Variants in ITGA9 observed in about 807,000 individuals in gnomAD.
ITGA9 encodes integrin alpha-9.
In ITGA9, 56 loss-of-function variants were observed where a neutral mutation model predicts 127.8. The ratio of observed to expected loss-of-function variants is 0.44; its 90% CI spans 0.35 to 0.55. The LOEUF (loss-of-function observed/expected upper bound fraction) is 0.55. Ranked by LOEUF, ITGA9 falls within the 20% of genes least tolerant of loss-of-function variation. The pLI is 0.00. For missense variants in ITGA9, 1,196 were observed against 1,347.1 expected (o/e 0.89, Z 1.76); for synonymous variants, 508 against 514.5 (o/e 0.99, Z 0.17).
Position 37,506,013 on chromosome 3 carries a change from C to A in ITGA9, c.756C>A (p.Thr252=), listed in dbSNP as rs200844875. The change falls in exon 7 of 28, where the codon ACC becomes ACA. Residue 252 remains threonine, a synonymous_variant. Transcript: ENST00000264741. ...CATCCTGTTCAGGCTACGCAGTGAC[C>A]GCTGGCCACTTCTCTCACCCGTCCA... is the stretch of plus-strand genomic sequence containing the variant. ...RRYTYLGYAV[T]AGHFSHPSTI... is the part of the protein sequence containing the mutation. 6.2e-7 allele frequency: 1 copy of A among 1,606,964 alleles called. No homozygotes were observed. The highest frequency in any genetic ancestry group is 8.5e-7 in the Non-Finnish European group (1 of 1,177,036).
chr3:37,458,963 A>G (rs1698288395), intron 1 of ITGA9, among the ~76,000 whole-genome samples: 1 of 152,206 alleles, frequency 6.6e-6, no homozygotes, highest in African/African-American at 2.4e-5. Context: ...GATCAACCAA[A>G]GCAGAATAAA....
intron 26 of ITGA9, among the ~76,000 whole-genome samples, chr3:37,791,688 T>C (rs778622739): frequency 1.3e-5 from 2 of 152,200 alleles, no homozygotes; most frequent in Non-Finnish European, 1.5e-5. Context: ...GGCTGGTGCA[T>C]AGCTGCTGCT....
intron 18 of ITGA9, among the ~76,000 whole-genome samples, chr3:37,686,694 T>C (rs989171726): frequency 6.6e-6 from 1 of 151,964 alleles, no homozygotes; most frequent in African/African-American, 2.4e-5. Flanking sequence ...ACGTGGTGAG[T>C]GTTAGCTCCA....
At chr3:37,469,155 C>T (rs1400813549) in intron 1 of ITGA9, among the ~76,000 whole-genome samples, 1 of 152,248 alleles carries the variant, frequency 6.6e-6, no homozygotes, top group Non-Finnish European at 1.5e-5. Flanking sequence ...CCTGCCTCTT[C>T]TGTCTTCTGG....
At chr3:37,773,193 A>T (rs1396409847) in intron 23 of ITGA9, among the ~76,000 whole-genome samples, 3 of 152,224 alleles carry the variant, frequency 2.0e-5, no homozygotes, top group African/African-American at 7.2e-5. Context: ...TGTGCAGAGC[A>T]AGGAGGAACT....
intron 15 of ITGA9, among the ~76,000 whole-genome samples, chr3:37,565,371 A>G (rs865948160): frequency 2.0e-5 from 3 of 152,334 alleles, no homozygotes; most frequent in African/African-American, 7.2e-5. Context: ...TGGTCAGGCA[A>G]ATAATTGATC....
intron 5 of ITGA9, among the ~76,000 whole-genome samples, chr3:37,494,793 G>C (rs906792678): frequency 3.9e-5 from 6 of 152,122 alleles, no homozygotes; most frequent in Admixed American, 1.3e-4. Flanking sequence ...CTCATCTCGA[G>C]GCTACCCCTA....
In ITGA9 at chr3:37,490,969, C is replaced by CCA. The variant is rs1307012168; in HGVS notation, c.545-3531_545-3530insAC. On this transcript the variant is annotated intron_variant, in intron 4 of 27. Transcript: ENST00000264741. ...CTTTTGGGTCTCAGATTTGGCTTCCCCCCCGCTTTTTTTTTTTTTTTTTTT... is the reference window on the plus strand; with the variant it reads ...CTTTTGGGTCTCAGATTTGGCTTCCCCACCCCGCTTTTTTTTTTTTTTTTTTT... Among the ~76,000 whole-genome samples, 29 of 134,536 alleles carry CCA rather than the reference C, an allele frequency of 2.2e-4. 1 individual carries two copies. The highest frequency in any genetic ancestry group is 7.4e-4 in the Admixed American group (10 of 13,558). The allele number at this position is 134,536 out of a possible 152,430, so 88.3% of individuals were successfully genotyped here. A position where few individuals can be genotyped will look rare whatever the true frequency, so the allele number is the denominator to read the frequency against.
At chr3:37,505,446 C>T (rs1698830037) in intron 6 of ITGA9, among the ~76,000 whole-genome samples, 1 of 152,216 alleles carries the variant, frequency 6.6e-6, no homozygotes, top group South Asian at 2.1e-4. Flanking sequence ...GAAACTACTA[C>T]TGTACTCAAC....
At chr3:37,723,862 T>C (rs1204993527) in intron 18 of ITGA9, among the ~76,000 whole-genome samples, 2 of 152,182 alleles carry the variant, frequency 1.3e-5, no homozygotes, top group African/African-American at 4.8e-5. Context: ...CTTCCTTGAC[T>C]CACTAAGCAA....
chr3:37,647,456 T>G (rs975921620), intron 16 of ITGA9, among the ~76,000 whole-genome samples: 1 of 151,528 alleles, frequency 6.6e-6, no homozygotes, highest in Non-Finnish European at 1.5e-5. Flanking sequence ...TAACATAGTT[T>G]TTTTTTTTTT....
chr3:37,550,341 C>T (rs2125594496), intron 15 of ITGA9, among the ~76,000 whole-genome samples: 1 of 152,306 alleles, frequency 6.6e-6, no homozygotes, highest in South Asian at 2.1e-4. Flanking sequence ...ACTTCACTGC[C>T]TCTTCATAAT....
intron 7 of ITGA9, 56 bp downstream of exon 7, chr3:37,506,141 G>C: frequency 7.7e-7 from 1 of 1,296,408 alleles, no homozygotes; most frequent in East Asian, 2.4e-5. Context: ...GGAGCATGCT[G>C]TCCCTGGTGC....
rs1048923204 is a variant in ITGA9 at position 37,820,739 on chromosome 3, G to A, written c.*1750G>A. ...CAGAAAACATGGGGCTAAGAGCAGGGTCTAACGGAGTCTTAATGGCTTATT... is the reference window on the plus strand; with the variant it reads ...CAGAAAACATGGGGCTAAGAGCAGGATCTAACGGAGTCTTAATGGCTTATT... On this transcript the variant is annotated 3_prime_UTR_variant, in exon 28 of 28. Transcript: ENST00000264741. 6.6e-6 allele frequency: 1 copy of A among 152,198 alleles called. No individual in the cohort carries two copies. Among genetic ancestry groups the A allele is most frequent in the Non-Finnish European group, 1.5e-5 (1 of 68,058 alleles). 9.4% of individuals were successfully genotyped at this position (152,198 alleles called of 1,614,324 possible).
intron 18 of ITGA9, among the ~76,000 whole-genome samples, chr3:37,701,865 G>A (rs867942951): frequency 2.0e-4 from 31 of 152,242 alleles, no homozygotes; most frequent in African/African-American, 7.5e-4. Flanking sequence ...CAGTTCACGG[G>A]CTATAGCATT....
chr3:37,638,899 T>A (rs1023824401), intron 16 of ITGA9, among the ~76,000 whole-genome samples: 11 of 152,202 alleles, frequency 7.2e-5, no homozygotes, highest in African/African-American at 2.7e-4. Context: ...GAGTTAGGAA[T>A]GTGCAGGACA....
At chr3:37,645,780 A>T (rs1488825762) in intron 16 of ITGA9, among the ~76,000 whole-genome samples, 1 of 152,224 alleles carries the variant, frequency 6.6e-6, no homozygotes, top group African/African-American at 2.4e-5. Context: ...TCCTCTGAAC[A>T]TGATAGCTGG....
At chr3:37,544,109 G>A (rs1021349345) in intron 15 of ITGA9, among the ~76,000 whole-genome samples, 1 of 152,190 alleles carries the variant, frequency 6.6e-6, no homozygotes, top group Non-Finnish European at 1.5e-5. Flanking sequence ...TTCTTGCTAG[G>A]TCTGTTCACA....
rs527314360 is a variant in ITGA9, at chr3:37,520,513, A to G, written c.1236+1159A>G. 2.6e-5 allele frequency among the ~76,000 whole-genome samples: 4 copies of G among 152,308 alleles called. No homozygotes were observed. The South Asian group carries it at 8.3e-4, about 32-fold the overall frequency. ...CCTGAAACTTGTTATCGTAACCACC[A>G]TCCTCAACTCCACATTGCAAAAAGG... On this transcript the variant is annotated intron_variant, in intron 11 of 27. Transcript: ENST00000264741.
Sources: gnomAD v4.1 joint callset for allele counts (sites outside exome capture counted in the v4.1 genomes callset) on GRCh38, gnomAD v4.1.1 for gene constraint, MANE v1.5 for transcripts, NCBI Gene and HGNC (gene_info 2026-07-23, HGNC 2026-07-21) for gene names.